The following PKIA variants were observed in gnomAD, a reference collection of about 807,000 sequenced individuals.
The protein encoded by PKIA is cAMP-dependent protein kinase inhibitor alpha, also known as PKI-alpha.
A neutral mutation model predicts 7.6 loss-of-function variants in PKIA; 4 were observed. The observed-to-expected ratio is 0.52, with a 90% confidence interval of 0.26 to 1.20. The LOEUF (loss-of-function observed/expected upper bound fraction) is 1.20. PKIA is among the 50% of genes most tolerant of loss of function. The pLI is 0.13. For missense variants in PKIA, 73 were observed against 86.2 expected, an observed-to-expected ratio of 0.85 and a Z score of 0.61; for synonymous variants, 21 against 30.7, an observed-to-expected ratio of 0.68 and a Z score of 1.04.
chr8:78,563,943 G>T (rs1807342954), intron 1 of PKIA, among the ~76,000 whole-genome samples: 1 of 152,080 alleles, frequency 6.6e-6, no homozygotes, highest in Non-Finnish European at 1.5e-5. Context: ...TTCTTGATCA[G>T]ATGAGAGAAA....
rs187487417 is a variant in PKIA, at chr8:78,594,794, G to A, written c.-27-3564G>A. 4.4e-3 allele frequency among the ~76,000 whole-genome samples: 675 copies of A among 152,168 alleles called. 6 individuals are homozygous for A. Among genetic ancestry groups the A allele is most frequent in the Non-Finnish European group, 6.8e-3 (462 of 67,990 alleles). ...CTTAAAAAGGCAGGTCAATTCATCC[G>A]AAAAAGAAAGAATGGTGATTACACA... On this transcript the variant is annotated intron_variant, in intron 2 of 3. Coordinates refer to ENST00000396418, the MANE Select transcript of PKIA (RefSeq NM_006823.4).
intron 1 of PKIA, among the ~76,000 whole-genome samples, chr8:78,529,179 T>G (rs952281059): frequency 6.6e-6 from 1 of 152,122 alleles, no homozygotes; most frequent in African/African-American, 2.4e-5. Flanking sequence ...ATTTATAGCC[T>G]ATAAAATGAT....
chr8:78,576,929 C>A (rs1807687486), intron 2 of PKIA, among the ~76,000 whole-genome samples: 1 of 151,926 alleles, frequency 6.6e-6, no homozygotes, highest in Admixed American at 6.6e-5. Flanking sequence ...ATGGAATCAA[C>A]CTAAATGCCC....
chr8:78,593,338 G>A (rs1169361021), intron 2 of PKIA, among the ~76,000 whole-genome samples: 1 of 152,164 alleles, frequency 6.6e-6, no homozygotes, highest in African/African-American at 2.4e-5. Flanking sequence ...GGTCAGGGTG[G>A]TTTCGAACTC....
intron 1 of PKIA, among the ~76,000 whole-genome samples, chr8:78,529,592 T>A (rs1251989041): frequency 1.3e-5 from 2 of 152,020 alleles, no homozygotes; most frequent in Non-Finnish European, 2.9e-5. Context: ...TATGAAATGA[T>A]CAAACAAACA....
At chr8:78,564,242 A>T (rs1807353972) in intron 1 of PKIA, among the ~76,000 whole-genome samples, 1 of 152,056 alleles carries the variant, frequency 6.6e-6, no homozygotes, top group African/African-American at 2.4e-5. Context: ...GGTTAGTCAG[A>T]GCAGTATTCC....
chr8:78,546,952 C>T (rs573174299), intron 1 of PKIA, among the ~76,000 whole-genome samples: 1 of 152,178 alleles, frequency 6.6e-6, no homozygotes, highest in South Asian at 2.1e-4. Flanking sequence ...CATTCAACAC[C>T]CACTTACTAA....
chr8:78,581,262 A>G (rs1563588201), intron 2 of PKIA, among the ~76,000 whole-genome samples: 1 of 152,140 alleles, frequency 6.6e-6, no homozygotes, highest in Non-Finnish European at 1.5e-5. Context: ...ATCTCGAACA[A>G]TCTGAGCTTC....
intron 1 of PKIA, among the ~76,000 whole-genome samples, chr8:78,568,898 C>G (rs1186992985): frequency 5.9e-5 from 9 of 152,216 alleles, no homozygotes; most frequent in African/African-American, 2.2e-4. Flanking sequence ...TGCATACCAC[C>G]CTACTCTTGC....
chr8:78,524,112 ATGT>A (rs1563565729), intron 1 of PKIA, among the ~76,000 whole-genome samples: 14 of 110,426 alleles, frequency 1.3e-4, no homozygotes, highest in Admixed American at 2.7e-4. Context: ...ATATAAATAT[ATGT>A]ATAAACATTT....
At chr8:78,564,850 C>T (rs1370093099) in intron 1 of PKIA, among the ~76,000 whole-genome samples, 1 of 151,808 alleles carries the variant, frequency 6.6e-6, no homozygotes, top group Admixed American at 6.6e-5. Flanking sequence ...CTGAAGAGAG[C>T]TGATTTCAAA....
intron 2 of PKIA, among the ~76,000 whole-genome samples, chr8:78,593,777 C>A (rs368958857): frequency 1.3e-5 from 2 of 151,928 alleles, no homozygotes; most frequent in South Asian, 4.1e-4. Flanking sequence ...ATTAACTATG[C>A]GATTATGGGC....
At chr8:78,548,601 A>G (rs896911565) in intron 1 of PKIA, among the ~76,000 whole-genome samples, 7 of 152,146 alleles carry the variant, frequency 4.6e-5, no homozygotes, top group Admixed American at 1.3e-4. Context: ...GTGGAAACAA[A>G]GAATTAAACA....
At position 78,596,925 on chromosome 8, in the gene PKIA, T is replaced by C. The variant is rs1176409037; in HGVS notation, c.-27-1433T>C. ...GGCTAGCCAGTTATCCCAGCACCAT[T>C]TATTGAAGAGAGAGTCCTTTAGCCA... On this transcript the variant is annotated intron_variant, in intron 2 of 3. Transcript: ENST00000396418. Among the ~76,000 whole-genome samples, 5 of 152,304 alleles carry C rather than the reference T, an allele frequency of 3.3e-5. No homozygotes were observed. In the East Asian group the frequency reaches 5.8e-4, roughly 18 times the overall value.
intron 2 of PKIA, among the ~76,000 whole-genome samples, chr8:78,583,634 A>G (rs1187914152): frequency 6.6e-6 from 1 of 152,126 alleles, no homozygotes; most frequent in Non-Finnish European, 1.5e-5. Context: ...CAGTTGAATT[A>G]CTGTATAACA....
At chr8:78,555,138 ACTTCT>A (rs1396743556) in intron 1 of PKIA, among the ~76,000 whole-genome samples, 2 of 152,138 alleles carry the variant, frequency 1.3e-5, no homozygotes, top group Non-Finnish European at 2.9e-5. Context: ...ACCTTCAGAG[ACTTCT>A]CTTCTAACTA....
chr8:78,537,760 A>C (rs1806568593), intron 1 of PKIA, among the ~76,000 whole-genome samples: 1 of 152,016 alleles, frequency 6.6e-6, no homozygotes, highest in African/African-American at 2.4e-5. Context: ...CTTACAGTAG[A>C]TTATCCACTG....
intron 2 of PKIA, among the ~76,000 whole-genome samples, chr8:78,590,430 T>C (rs939607810): frequency 2.0e-5 from 3 of 152,094 alleles, no homozygotes; most frequent in Non-Finnish European, 4.4e-5. Context: ...GCCATAATTA[T>C]CTGAAAAGGC....
In PKIA at chr8:78,601,737, T is replaced by C. The variant is rs1585936870; in HGVS notation, c.152-5T>C. On this transcript the variant is annotated splice_polypyrimidine_tract_variant and splice_region_variant and intron_variant, in intron 3 of 3. Transcript: ENST00000396418. Reference sequence around the variant, plus strand: ...CTTTATTCTGTTTTCGTTTTTCTTTTGCAGAAGGTGAAGAAGATGCACAAC... The same window carrying C: ...CTTTATTCTGTTTTCGTTTTTCTTTCGCAGAAGGTGAAGAAGATGCACAAC... 1.2e-6 allele frequency: 2 copies of C among 1,609,722 alleles called. No individual in the cohort carries two copies. The highest frequency in any genetic ancestry group is 4.5e-5 in the East Asian group (2 of 44,796).
Sources: allele counts gnomAD v4.1 joint callset (sites outside exome capture counted in the v4.1 genomes callset), GRCh38; gene constraint gnomAD v4.1.1; transcripts MANE v1.5; gene names NCBI Gene and HGNC (gene_info 2026-07-23, HGNC 2026-07-21).